Variants in AGBL4 observed in about 807,000 individuals in gnomAD.
AGBL4 encodes cytosolic carboxypeptidase 6.
Under a neutral mutation model 66.4 loss-of-function variants are expected in AGBL4, and 58 were observed. The ratio of observed to expected loss-of-function variants is 0.87; its 90% confidence interval spans 0.71 to 1.09. The LOEUF (loss-of-function observed/expected upper bound fraction) is 1.09, where lower values mean the gene tolerates loss of function less well. Among genes scored for constraint, AGBL4 ranks in the 50% least tolerant of loss-of-function variants. The pLI is 0.00. For missense variants in AGBL4, 579 were observed against 631.0 expected (o/e 0.92, Z 0.88); for synonymous variants, 234 against 222.9 (o/e 1.05, Z -0.44).
intron 4 of AGBL4, among the ~76,000 whole-genome samples, chr1:49,078,714 C>A (rs1275795744): frequency 1.3e-5 from 2 of 152,114 alleles, no homozygotes; most frequent in Non-Finnish European, 2.9e-5. Flanking sequence ...AGCCTCTCTG[C>A]CCAAAGTCCT....
At chr1:49,499,523 T>TC (rs1239982288) in intron 3 of AGBL4, among the ~76,000 whole-genome samples, 1 of 151,218 alleles carries the variant, frequency 6.6e-6, no homozygotes, top group Non-Finnish European at 1.5e-5. Context: ...CCTTCCAGCC[T>TC]CCCCCCAAGT....
intron 4 of AGBL4, among the ~76,000 whole-genome samples, chr1:49,224,938 G>T (rs140644568): frequency 6.6e-6 from 1 of 152,194 alleles, no homozygotes; most frequent in Non-Finnish European, 1.5e-5. Context: ...ATGCGCATGT[G>T]GTTGTGTGCC....
At chr1:48,880,638 T>A (rs1009064909) in intron 5 of AGBL4, among the ~76,000 whole-genome samples, 2 of 152,160 alleles carry the variant, frequency 1.3e-5, no homozygotes, top group Non-Finnish European at 2.9e-5. Flanking sequence ...ATTATTTTTT[T>A]ATTTTCTGAT....
intron 4 of AGBL4, among the ~76,000 whole-genome samples, chr1:49,240,551 C>CTTTTTT (rs34162300): frequency 3.2e-5 from 4 of 123,716 alleles, no homozygotes; most frequent in Non-Finnish European, 3.4e-5. Context: ...ACTGCATTTT[C>CTTTTTT]TTTTTTTTTT....
intron 3 of AGBL4, among the ~76,000 whole-genome samples, chr1:49,278,646 C>T (rs1008770108): frequency 1.3e-5 from 2 of 152,122 alleles, no homozygotes; most frequent in Non-Finnish European, 2.9e-5. Context: ...GGTTCAGTCT[C>T]AGTCTCAGTC....
chr1:49,624,002 A>AGTGTGTGTGTGTGT (rs34356093), intron 3 of AGBL4, among the ~76,000 whole-genome samples: 16 of 149,346 alleles, frequency 1.1e-4, no homozygotes, highest in African/African-American at 4.0e-4. Context: ...GATGAGAGAG[A>AGTGTGTGTGTGTGT]GTGTGTGTGT....
chr1:49,948,157 C>T (rs186568706), intron 1 of AGBL4, among the ~76,000 whole-genome samples: 31,422 of 90,820 alleles, frequency 0.35, 5,705 homozygotes, highest in East Asian at 0.76. Context: ...TATAAATATA[C>T]GTAAATATAT....
chr1:49,844,960 C>A, intron 2 of AGBL4: 1 of 1,370,014 alleles, frequency 7.3e-7, no homozygotes, highest in Non-Finnish European at 1.0e-6. Context: ...CCCTGATTTC[C>A]TACATCAACC....
chr1:49,144,290 G>A (rs1646173731), intron 4 of AGBL4, among the ~76,000 whole-genome samples: 1 of 152,120 alleles, frequency 6.6e-6, no homozygotes, highest in South Asian at 2.1e-4. Flanking sequence ...TGGCCTGAGG[G>A]GCTATGTTGG....
intron 4 of AGBL4, among the ~76,000 whole-genome samples, chr1:49,169,325 C>T (rs940057173): frequency 3.9e-5 from 6 of 152,292 alleles, no homozygotes; most frequent in Middle Eastern, 3.4e-3. Context: ...CCCATGATCC[C>T]TCCTGATCTG....
chr1:49,598,943 G>A (rs1265662994), intron 3 of AGBL4, among the ~76,000 whole-genome samples: 1 of 152,158 alleles, frequency 6.6e-6, no homozygotes, highest in Non-Finnish European at 1.5e-5. Flanking sequence ...GCATCCCAGG[G>A]ATGAAGCCAA....
chr1:49,344,316 A>C (rs975097471), intron 3 of AGBL4, among the ~76,000 whole-genome samples: 1 of 152,162 alleles, frequency 6.6e-6, no homozygotes, highest in Non-Finnish European at 1.5e-5. Context: ...TATAATAATA[A>C]AAGAAAAAAA....
At chr1:49,562,680 G>A (rs1231831523) in intron 3 of AGBL4, among the ~76,000 whole-genome samples, 4 of 152,000 alleles carry the variant, frequency 2.6e-5, no homozygotes, top group African/African-American at 4.8e-5. Context: ...CTCTGTTTTG[G>A]TACCAGTACC....
chr1:49,716,580 C>T lies in AGBL4; in HGVS notation c.158-19143G>A, dbSNP rs573306690. On this transcript the variant is annotated intron_variant, in intron 2 of 13. Transcript: ENST00000371839. ...AGCACATCAAAAAGCTTATCCATCACAATCAAGTTGGCTTCATCCCTGGCA... is the reference window on the plus strand; with the variant it reads ...AGCACATCAAAAAGCTTATCCATCATAATCAAGTTGGCTTCATCCCTGGCA... Among the ~76,000 whole-genome samples, 4 of 152,166 alleles carry T rather than the reference C, an allele frequency of 2.6e-5. No homozygotes were observed. In the East Asian group the frequency reaches 5.8e-4, roughly 22 times the overall value.
rs1649032534 is a variant in AGBL4 at position 48,874,556 on chromosome 1, G to A, written c.595-7326C>T. Among the ~76,000 whole-genome samples, 3 of 152,112 alleles carry A rather than the reference G, an allele frequency of 2.0e-5. No individual in the cohort carries two copies. In the South Asian group the frequency reaches 6.2e-4, roughly 31 times the overall value. Reference sequence around the variant, plus strand: ...CAAGGAGGGTGCCAAAAATCTCCACGAGTTGTATGTGTTATTTGAAAAAAT... The same window carrying A: ...CAAGGAGGGTGCCAAAAATCTCCACAAGTTGTATGTGTTATTTGAAAAAAT... On this transcript the variant is annotated intron_variant, in intron 5 of 13. Transcript: ENST00000371839.
chr1:48,944,599 T>C (rs1325550116), intron 5 of AGBL4, among the ~76,000 whole-genome samples: 1 of 152,136 alleles, frequency 6.6e-6, no homozygotes, highest in Non-Finnish European at 1.5e-5. Flanking sequence ...TACATTAATA[T>C]AACCCCAGCG....
chr1:49,598,891 G>A (rs2124142184), intron 3 of AGBL4, among the ~76,000 whole-genome samples: 2 of 152,312 alleles, frequency 1.3e-5, no homozygotes, highest in South Asian at 4.1e-4. Context: ...CTGTTTATGT[G>A]ATGGATTACA....
At chr1:50,013,854 ATTAC>A (rs1661733419) in intron 1 of AGBL4, among the ~76,000 whole-genome samples, 1 of 152,214 alleles carries the variant, frequency 6.6e-6, no homozygotes, top group South Asian at 2.1e-4. Context: ...AATTAATCCA[ATTAC>A]TTAGTGAAGA....
At chr1:49,239,976 A>T (rs1039455540) in intron 4 of AGBL4, among the ~76,000 whole-genome samples, 1 of 152,040 alleles carries the variant, frequency 6.6e-6, no homozygotes, top group Admixed American at 6.6e-5. Context: ...AGCTATGAGA[A>T]AAAATTAAGT....
Sources: allele counts gnomAD v4.1 joint callset (sites outside exome capture counted in the v4.1 genomes callset), GRCh38; gene constraint gnomAD v4.1.1; transcripts MANE v1.5; gene names NCBI Gene and HGNC (gene_info 2026-07-23, HGNC 2026-07-21).